Variants in INTS6L observed in about 807,000 individuals in gnomAD.
INTS6L encodes the protein integrator complex subunit 6-like.
INTS6L carries 18 observed loss-of-function variants against 64.7 expected under a neutral mutation model. The ratio of observed to expected loss-of-function variants is 0.28; its 90% CI spans 0.19 to 0.41. The LOEUF (loss-of-function observed/expected upper bound fraction) is 0.41, where lower values mean the gene tolerates loss of function less well. Ranked by LOEUF, INTS6L falls within the 10% of genes least tolerant of loss-of-function variation. The pLI is 1.00. For synonymous variants in INTS6L, 227 were observed against 235.9 expected, an observed-to-expected ratio of 0.96 and a Z score of 0.34; for missense variants, 533 against 661.0, an observed-to-expected ratio of 0.81 and a Z score of 2.12.
chrX:135,532,163 T>A (rs1323350002), intron 2 of INTS6L, among the ~76,000 whole-genome samples: 1 of 112,071 alleles, frequency 8.9e-6, no homozygotes, highest in Non-Finnish European at 1.9e-5. Flanking sequence ...CTTTGAATTT[T>A]TGTCTCTGCC....
At position 135,556,229 on chromosome X, in the gene INTS6L, C is replaced by T; in HGVS notation, c.1121C>T (p.Ala374Val). The T allele has an allele frequency of 6.7e-6, 8 of 1,202,041 alleles. No individual in the cohort carries two copies. The highest frequency in any genetic ancestry group is 9.0e-6 in the Non-Finnish European group (8 of 891,065). The stretch of plus-strand genomic sequence containing the variant: ...GGATATCCATTTGGTTATTTAAAAG[C>T]CAGTACAACTTTAACTTGTGTAAAC... The part of the protein sequence containing the change: ...ELGYPFGYLK[A>V]STTLTCVNLF... The change falls in exon 9 of 18, where the codon GCC (alanine) becomes GTC (valine). Residue 374 changes from alanine to valine, a missense_variant. Physicochemically the swap from Ala to Val is moderately conservative, Grantham distance 64 (BLOSUM62 0). Coordinates refer to ENST00000639893, the MANE Select transcript of INTS6L (RefSeq NM_001351601.3).
chrX:135,559,936 A>G (rs1168006691), intron 9 of INTS6L, among the ~76,000 whole-genome samples: 7 of 112,185 alleles, frequency 6.2e-5, no homozygotes, highest in African/African-American at 2.3e-4. Context: ...ATGATGTGCC[A>G]TTGTATATGT....
chrX:135,533,157 A>G (rs2085953770), intron 2 of INTS6L, among the ~76,000 whole-genome samples: 1 of 112,193 alleles, frequency 8.9e-6, no homozygotes, highest in Admixed American at 9.5e-5. Flanking sequence ...AATGTGCTAT[A>G]TCACACACTT....
intron 2 of INTS6L, among the ~76,000 whole-genome samples, chrX:135,528,876 C>CCA (rs1556503061): frequency 1.2e-5 from 1 of 86,425 alleles, no homozygotes; most frequent in African/African-American, 4.2e-5. Flanking sequence ...ACCCCCCCCC[C>CCA]CGACCCACCG....
At chrX:135,533,096 A>G (rs916712381) in intron 2 of INTS6L, among the ~76,000 whole-genome samples, 2 of 107,533 alleles carry the variant, frequency 1.9e-5, no homozygotes, top group East Asian at 3.1e-4. Flanking sequence ...AACAAAAACA[A>G]AAACAAAAAA....
intron 2 of INTS6L, among the ~76,000 whole-genome samples, chrX:135,531,308 C>T (rs1428236883): frequency 9.0e-6 from 1 of 111,575 alleles, no homozygotes. Flanking sequence ...GGGAGTGTAT[C>T]CTGCTTCATT....
intron 2 of INTS6L, among the ~76,000 whole-genome samples, chrX:135,533,706 G>A (rs1556506710): frequency 1.8e-5 from 2 of 111,707 alleles, no homozygotes; most frequent in African/African-American, 6.5e-5. Context: ...TATCTCATAT[G>A]TTCAACACTT....
intron 9 of INTS6L, among the ~76,000 whole-genome samples, chrX:135,563,633 G>GTATA (rs1221791167): frequency 1.1e-3 from 11 of 10,410 alleles, no homozygotes; most frequent in East Asian, 8.8e-3. Flanking sequence ...GTGTGTGTGT[G>GTATA]TATATATATA....
chrX:135,558,080 T>C (rs1185498372), intron 9 of INTS6L, among the ~76,000 whole-genome samples: 1 of 111,493 alleles, frequency 9.0e-6, no homozygotes, highest in African/African-American at 3.3e-5. Flanking sequence ...ATTACAGAAA[T>C]GCAAATCAAA....
intron 2 of INTS6L, among the ~76,000 whole-genome samples, chrX:135,540,503 T>G (rs2086178646): frequency 9.0e-6 from 1 of 111,458 alleles, no homozygotes; most frequent in Non-Finnish European, 1.9e-5. Context: ...TAGCTTAGGA[T>G]TCTACCCATC....
chrX:135,569,671 C>G (rs1192290255), intron 10 of INTS6L: 1 of 203,623 alleles, frequency 4.9e-6, no homozygotes, highest in Non-Finnish European at 9.0e-6. Context: ...TTTTATAAAA[C>G]ACATCTATGT....
chrX:135,574,970 A>T, intron 13 of INTS6L, 114 bp from the exon 14 acceptor site: 1 of 766,609 alleles, frequency 1.3e-6, no homozygotes, highest in Non-Finnish European at 1.9e-6. Flanking sequence ...TCGAGACTTT[A>T]AATACTATTT....
chrX:135,574,743 A>G (rs927814043), intron 13 of INTS6L, among the ~76,000 whole-genome samples: 11 of 112,050 alleles, frequency 9.8e-5, no homozygotes, highest in Non-Finnish European at 1.9e-4. Flanking sequence ...TCTCTGGATG[A>G]TAAGTGAATG....
intron 2 of INTS6L, among the ~76,000 whole-genome samples, chrX:135,526,935 A>G (rs1556501563): frequency 8.9e-6 from 1 of 112,277 alleles, no homozygotes; most frequent in Admixed American, 9.4e-5. Context: ...TATTACAGCT[A>G]GCATTTTCAT....
intron 11 of INTS6L, 137 bp from the exon 12 acceptor site, chrX:135,572,678 G>A (rs113835899): frequency 0.049 from 25,047 of 515,643 alleles, 1,146 homozygotes; most frequent in African/African-American, 0.23. Context: ...ACAGGAAAAT[G>A]TTTAATTATC....
At chrX:135,529,417 G>A (rs1556503384) in intron 2 of INTS6L, among the ~76,000 whole-genome samples, 1 of 111,826 alleles carries the variant, frequency 8.9e-6, no homozygotes, top group African/African-American at 3.3e-5. Flanking sequence ...TTAAAAGGAG[G>A]GAGAGGCCAC....
Position 135,520,796 on chromosome X carries a change from T to C in INTS6L, c.-197T>C, listed in dbSNP as rs2085514159. On this transcript the variant is annotated 5_prime_UTR_variant, in exon 1 of 18. Transcript: ENST00000639893. The stretch of plus-strand genomic sequence containing the variant: ...ACACGCTCACACTTTCAAGTTCCCT[T>C]GGAGGGAGAGGAGGTGGGGCTGCAG... The C allele has an allele frequency of 2.3e-6, 1 of 432,688 alleles. No individual in the cohort carries two copies. Among genetic ancestry groups the C allele is most frequent in the South Asian group, 3.6e-5 (1 of 27,678 alleles). The allele number at this position is 432,688 out of a possible 1,213,427, so 35.7% of individuals were successfully genotyped here. A position where few individuals can be genotyped will look rare whatever the true frequency, so the allele number is the denominator to read the frequency against.
At chrX:135,553,769 A>T (rs1237641095) in intron 8 of INTS6L, among the ~76,000 whole-genome samples, 1 of 111,826 alleles carries the variant, frequency 8.9e-6, no homozygotes, top group Non-Finnish European at 1.9e-5. Flanking sequence ...TAAAGATATG[A>T]CCTTTGAATT....
intron 7 of INTS6L, 87 bp from the exon 8 acceptor site, chrX:135,551,907 A>G (rs1556517101): frequency 1.1e-6 from 1 of 886,137 alleles, no homozygotes; most frequent in Non-Finnish European, 1.5e-6. Context: ...GTAACAAAAT[A>G]TAAAACGACT....
Sources: allele counts gnomAD v4.1 joint callset (sites outside exome capture counted in the v4.1 genomes callset), GRCh38; gene constraint gnomAD v4.1.1; transcripts MANE v1.5; gene names NCBI Gene and HGNC (gene_info 2026-07-23, HGNC 2026-07-21).